The following FBXO36 variants were observed in gnomAD, a reference collection of about 807,000 sequenced individuals.
FBXO36 encodes F-box protein 36.
FBXO36 carries 18 observed loss-of-function variants against 17.0 expected under a neutral mutation model. The observed-to-expected ratio is 1.06, with a 90% CI of 0.73 to 1.57. The LOEUF is 1.57. FBXO36 is among the 40% of genes most tolerant of loss of function. FBXO36 has a pLI of 0.00. For missense variants in FBXO36, 229 were observed against 221.9 expected (o/e 1.03, Z -0.20); for synonymous variants, 83 against 85.3 (o/e 0.97, Z 0.15).
At chr2:229,927,413 G>A (rs1295688383) in intron 1 of FBXO36, among the ~76,000 whole-genome samples, 2 of 152,058 alleles carry the variant, frequency 1.3e-5, no homozygotes, top group Non-Finnish European at 2.9e-5. Context: ...GGTCCAGGAG[G>A]GTACTGTTAC....
At chr2:229,988,840 T>TG (rs1477791299) in intron 2 of FBXO36, among the ~76,000 whole-genome samples, 22 of 147,204 alleles carry the variant, frequency 1.5e-4, no homozygotes, top group South Asian at 4.2e-4. Context: ...TTTTTTTTTT[T>TG]TTTGTTTTTT....
intron 1 of FBXO36, among the ~76,000 whole-genome samples, chr2:229,948,240 T>G (rs2077037702): frequency 6.6e-6 from 1 of 152,108 alleles, no homozygotes; most frequent in African/African-American, 2.4e-5. Flanking sequence ...TGGGGAGAAA[T>G]GTACATCATT....
intron 3 of FBXO36, among the ~76,000 whole-genome samples, chr2:230,009,674 G>T (rs1440271795): frequency 6.6e-6 from 1 of 152,186 alleles, no homozygotes; most frequent in Non-Finnish European, 1.5e-5. Context: ...GCCGGGCACG[G>T]TGGCTCACGC....
intron 1 of FBXO36, among the ~76,000 whole-genome samples, chr2:229,950,752 CTTTTTTTTTTT>C (rs71049605): frequency 1.3e-5 from 1 of 75,110 alleles, no homozygotes; most frequent in Non-Finnish European, 2.8e-5. Context: ...CTTCAGGCTA[CTTTTTTTTTTT>C]TTTTTTTTTT....
At chr2:229,938,420 G>A (rs1397259740) in intron 1 of FBXO36, among the ~76,000 whole-genome samples, 2 of 148,034 alleles carry the variant, frequency 1.4e-5, no homozygotes, top group Non-Finnish European at 3.0e-5. Flanking sequence ...TGGGGTTGTA[G>A]AGATGGCGTT....
intron 1 of FBXO36, among the ~76,000 whole-genome samples, chr2:229,953,436 G>C (rs1034337180): frequency 1.3e-5 from 2 of 152,010 alleles, no homozygotes; most frequent in East Asian, 3.9e-4. Flanking sequence ...AGAACCTTGG[G>C]AGGCCAAGGT....
intron 1 of FBXO36, among the ~76,000 whole-genome samples, chr2:229,938,157 T>G (rs934851386): frequency 1.4e-5 from 2 of 147,366 alleles, no homozygotes; most frequent in South Asian, 4.3e-4. Context: ...TTTGTAGAGA[T>G]GGGGTTGTAG....
At chr2:229,934,406 A>G (rs572103408) in intron 1 of FBXO36, among the ~76,000 whole-genome samples, 14 of 152,192 alleles carry the variant, frequency 9.2e-5, no homozygotes, top group South Asian at 2.1e-4. Context: ...GTCTCAAAAT[A>G]TAAATAAATA....
At chr2:229,965,472 C>A (rs1441612283) in intron 1 of FBXO36, among the ~76,000 whole-genome samples, 1 of 150,362 alleles carries the variant, frequency 6.7e-6, no homozygotes, top group Admixed American at 6.7e-5. Context: ...TGTGCTGCAC[C>A]CATTAACTCA....
Position 230,011,598 on chromosome 2 carries a change from C to CTTTTTTTTTTTTTTTTTTTTTTTTTTT in FBXO36, c.*731_*732insTTTTTTTTTTTTTTTTTTTTTTTTTTT, listed in dbSNP as rs5839351. 2.4e-5 allele frequency: 3 copies of CTTTTTTTTTTTTTTTTTTTTTTTTTTT among 123,442 alleles called. No homozygotes were observed. Among genetic ancestry groups the CTTTTTTTTTTTTTTTTTTTTTTTTTTT allele is most frequent in the African/African-American group, 3.1e-5 (1 of 32,180 alleles). The allele number at this position is 123,442 out of a possible 1,614,324, so 7.6% of individuals were successfully genotyped here. A position where few individuals can be genotyped will look rare whatever the true frequency, so the allele number is the denominator to read the frequency against. On this transcript the variant is annotated 3_prime_UTR_variant, in exon 4 of 4. Transcript: ENST00000283946. The stretch of plus-strand genomic sequence containing the variant: ...AACCTATAAACATTTCTTTTCTTTT[C>CTTTTTTTTTTTTTTTTTTTTTTTTTTT]TTTTTTTTTTTTTTTTTGTATTTTC...
At chr2:229,973,732 A>T (rs1159990077) in intron 1 of FBXO36, among the ~76,000 whole-genome samples, 4 of 149,894 alleles carry the variant, frequency 2.7e-5, no homozygotes, top group African/African-American at 4.9e-5. Flanking sequence ...AAAAAAAAAA[A>T]AAAGTTCTTT....
At chr2:229,944,585 T>C (rs1472446281) in intron 1 of FBXO36, among the ~76,000 whole-genome samples, 2 of 131,632 alleles carry the variant, frequency 1.5e-5, no homozygotes, top group African/African-American at 5.5e-5. Flanking sequence ...GTATTTTTTT[T>C]CTTTTTCTTT....
At chr2:229,957,477 T>G (rs112202753) in intron 1 of FBXO36, among the ~76,000 whole-genome samples, 1 of 152,148 alleles carries the variant, frequency 6.6e-6, no homozygotes, top group Non-Finnish European at 1.5e-5. Context: ...CTCAGGAAGC[T>G]GAGGCAGGAG....
At position 230,002,366 on chromosome 2, in the gene FBXO36, T is replaced by C. The variant is rs568225906; in HGVS notation, c.378+5443T>C. On this transcript the variant is annotated intron_variant, in intron 3 of 3. Coordinates refer to ENST00000283946, the MANE Select transcript of FBXO36 (RefSeq NM_174899.5). ...AGTAATTAAATCTTTCTCTGTTTTT[T>C]CCCCCCCGTACGTTAATTTTTTTTT... Among the ~76,000 whole-genome samples the C allele has an allele frequency of 4.0e-5, 6 of 151,634 alleles. No individual in the cohort carries two copies. In the East Asian group the frequency reaches 5.8e-4, roughly 15 times the overall value.
At chr2:229,944,476 A>C (rs2077015682) in intron 1 of FBXO36, among the ~76,000 whole-genome samples, 1 of 152,216 alleles carries the variant, frequency 6.6e-6, no homozygotes, top group Non-Finnish European at 1.5e-5. Context: ...GAATGGCTTA[A>C]GGCAAAAAAT....
At chr2:229,960,880 G>A (rs1041683749) in intron 1 of FBXO36, among the ~76,000 whole-genome samples, 11 of 152,114 alleles carry the variant, frequency 7.2e-5, no homozygotes, top group African/African-American at 2.4e-4. Context: ...AGGCCAAGGC[G>A]GGCGGATCAC....
At chr2:229,939,449 C>G (rs1462654243) in intron 1 of FBXO36, among the ~76,000 whole-genome samples, 1 of 140,298 alleles carries the variant, frequency 7.1e-6, no homozygotes, top group East Asian at 2.1e-4. Context: ...ACTAAAAATA[C>G]AAAAAAAAAA....
intron 2 of FBXO36, among the ~76,000 whole-genome samples, chr2:229,977,487 G>A (rs10204671): frequency 0.21 from 31,466 of 151,856 alleles, 3,662 homozygotes; most frequent in South Asian, 0.29. Context: ...TTTTGCTCTT[G>A]TTGCCCATGC....
intron 1 of FBXO36, among the ~76,000 whole-genome samples, chr2:229,935,690 G>T (rs2076960296): frequency 6.6e-6 from 1 of 152,078 alleles, no homozygotes; most frequent in South Asian, 2.1e-4. Context: ...TACATTAGTG[G>T]ATCTTTTGGA....
Sources: gnomAD v4.1 joint callset for allele counts (sites outside exome capture counted in the v4.1 genomes callset) on GRCh38, gnomAD v4.1.1 for gene constraint, MANE v1.5 for transcripts, NCBI Gene and HGNC (gene_info 2026-07-23, HGNC 2026-07-21) for gene names.